The following RAB3GAP2 variants were observed in gnomAD, a reference collection of about 807,000 sequenced individuals.
RAB3GAP2 encodes the protein RAB3 GTPase activating non-catalytic protein subunit 2, also known as rab3 GTPase-activating protein non-catalytic subunit.
RAB3GAP2 carries 87 observed loss-of-function variants against 185.3 expected under a neutral mutation model. The ratio of observed to expected loss-of-function variants is 0.47; its 90% CI spans 0.39 to 0.56. The LOEUF (loss-of-function observed/expected upper bound fraction) is 0.56. Ranked by LOEUF, RAB3GAP2 falls within the 20% of genes least tolerant of loss-of-function variation. The pLI, the probability that RAB3GAP2 is intolerant of heterozygous loss-of-function variation, is 0.00. For missense variants in RAB3GAP2, 1,492 were observed against 1,638.2 expected, an observed-to-expected ratio of 0.91 and a Z score of 1.54; for synonymous variants, 554 against 576.1, an observed-to-expected ratio of 0.96 and a Z score of 0.55.
chr1:220,238,125 C>T (rs1476439648), intron 1 of RAB3GAP2, among the ~76,000 whole-genome samples: 1 of 152,134 alleles, frequency 6.6e-6, no homozygotes, highest in Non-Finnish European at 1.5e-5. Context: ...ACTGCAGCCT[C>T]GATCTCCTAG....
intron 30 of RAB3GAP2, 94 bp downstream of exon 30, chr1:220,157,708 A>C (rs1571874169): frequency 1.7e-6 from 2 of 1,198,812 alleles, no homozygotes; most frequent in Non-Finnish European, 2.4e-6. Flanking sequence ...AATGAAAAAC[A>C]ACCTCATTAA....
rs11485161 is a variant in RAB3GAP2, at chr1:220,257,746, T to C, written c.115+14477A>G. On this transcript the variant is annotated intron_variant, in intron 1 of 34. Transcript: ENST00000358951. The stretch of plus-strand genomic sequence containing the variant: ...AAGATCAGAGCTGAACTGAAGGAGA[T>C]AGAGGCACAAAAAGCCCTTCAAAAA... 9.4e-3 allele frequency among the ~76,000 whole-genome samples: 1,430 copies of C among 151,996 alleles called. 26 individuals are homozygous for C. The highest frequency in any genetic ancestry group is 0.032 in the African/African-American group (1,342 of 41,474).
At position 220,153,335 on chromosome 1, in the gene RAB3GAP2, T is replaced by C. The variant is rs768458238; in HGVS notation, c.3717A>G (p.Glu1239=). The change falls in exon 33 of 35, where the codon GAA becomes GAG. Residue 1239 remains glutamate, a synonymous_variant. Coordinates refer to ENST00000358951, the MANE Select transcript of RAB3GAP2 (RefSeq NM_012414.4). ...HSATKVKDPT[E]EATPTPFGKD... is the part of the protein sequence containing the mutation. ...TCCCAAAAGGAGTGGGTGTGGCCTCTTCTGTGGGATCTTTGACCTTTGTGG... is the reference window on the plus strand; with the variant it reads ...TCCCAAAAGGAGTGGGTGTGGCCTCCTCTGTGGGATCTTTGACCTTTGTGG... 6.2e-7 allele frequency: 1 copy of C among 1,614,118 alleles called. No homozygotes were observed. The highest frequency in any genetic ancestry group is 1.3e-5 in the African/African-American group (1 of 74,946).
rs1657909288 is a variant in RAB3GAP2, at chr1:220,158,921, A to C, written c.3261+465T>G. Among the ~76,000 whole-genome samples the C allele has an allele frequency of 6.6e-6, 1 of 152,182 alleles. No homozygotes were observed. Among genetic ancestry groups the C allele is most frequent in the South Asian group, 2.1e-4 (1 of 4,830 alleles). ...TCAACAATGGAAGCTAGTACTATTA[A>C]TTTCTTGGGTCAAATACAAGTCCCA... On this transcript the variant is annotated intron_variant, in intron 29 of 34. Transcript: ENST00000358951. The surrounding 1 kb of genome is among the most constrained non-coding windows in gnomAD (Gnocchi z 4.3).
intron 9 of RAB3GAP2, among the ~76,000 whole-genome samples, chr1:220,199,057 T>C (rs1658789947): frequency 6.6e-6 from 1 of 151,730 alleles, no homozygotes; most frequent in African/African-American, 2.4e-5. Context: ...TGAAACACAA[T>C]GAACAGGGAG....
chr1:220,159,091 T>C (rs1253324292), intron 29 of RAB3GAP2, among the ~76,000 whole-genome samples: 1 of 152,216 alleles, frequency 6.6e-6, no homozygotes, highest in African/African-American at 2.4e-5. Flanking sequence ...ATTATAAATG[T>C]CTAATCGGAA....
Position 220,157,533 on chromosome 1 carries a change from T to C in RAB3GAP2, c.3337-45A>G, listed in dbSNP as rs762935072. 3 of 1,576,024 alleles carry C rather than the reference T, an allele frequency of 1.9e-6. No homozygotes were observed. In the South Asian group the frequency reaches 3.3e-5, roughly 17 times the overall value. On this transcript the variant is annotated intron_variant, in intron 30 of 34. Transcript: ENST00000358951. ...AGGACTGTGTTCAGTAATGGAAAAA[T>C]AATAGCTTACAAATATCCCAATGAG... is the stretch of plus-strand genomic sequence containing the variant.
chr1:220,172,689 T>C lies in RAB3GAP2; in HGVS notation c.2364A>G (p.Pro788=). 1 of 1,613,478 alleles carries C rather than the reference T, an allele frequency of 6.2e-7. No individual in the cohort carries two copies. Among genetic ancestry groups the C allele is most frequent in the Non-Finnish European group, 8.5e-7 (1 of 1,179,384 alleles). The stretch of plus-strand genomic sequence containing the variant: ...TGGTATGAAGACAGCAGATTGACTG[T>C]GGTTTATCCAAAATATCCTTTTCCT... ...LSKEKDILDK[P]QSICCLHTML... Residue 788 remains proline, a synonymous_variant, in exon 22 of 35, where the codon CCA becomes CCG. Transcript: ENST00000358951.
At chr1:220,232,683 C>A in intron 2 of RAB3GAP2, 116 bp downstream of exon 2, 2 of 993,122 alleles carry the variant, frequency 2.0e-6, no homozygotes, top group African/African-American at 1.6e-5. Flanking sequence ...TAAGTAAGCA[C>A]AAAAATATTC....
intron 1 of RAB3GAP2, among the ~76,000 whole-genome samples, chr1:220,252,406 G>T (rs1159127787): frequency 1.3e-5 from 2 of 152,188 alleles, no homozygotes; most frequent in Admixed American, 6.5e-5. Context: ...GACCTGAAAT[G>T]GACGATTAGA....
At position 220,235,994 on chromosome 1, in the gene RAB3GAP2, T is replaced by C. The variant is rs896104343; in HGVS notation, c.116-3131A>G. 2.0e-5 allele frequency among the ~76,000 whole-genome samples: 3 copies of C among 152,134 alleles called. No homozygotes were observed. The South Asian group carries it at 6.2e-4, about 32-fold the overall frequency. ...TAGGAATACATTTTTCCCAACCAAG[T>C]CAAGATAAAGGAAGGTGAAACAGCA... is the stretch of plus-strand genomic sequence containing the variant. On this transcript the variant is annotated intron_variant, in intron 1 of 34. Coordinates refer to ENST00000358951, the MANE Select transcript of RAB3GAP2 (RefSeq NM_012414.4).
chr1:220,215,126 A>T (rs947219274), intron 2 of RAB3GAP2, among the ~76,000 whole-genome samples: 1 of 151,878 alleles, frequency 6.6e-6, no homozygotes, highest in Non-Finnish European at 1.5e-5. Flanking sequence ...ATGCGTGGAC[A>T]TTTGTATTGC....
At chr1:220,186,592 C>T (rs561353726) in intron 17 of RAB3GAP2, among the ~76,000 whole-genome samples, 2 of 152,242 alleles carry the variant, frequency 1.3e-5, no homozygotes, top group South Asian at 4.1e-4. Flanking sequence ...CCTATGATTA[C>T]CCAGGCTAGC....
rs143286302 is a variant in RAB3GAP2, at chr1:220,190,069, T to C, written c.1709A>G (p.Asn570Ser). The C allele has an allele frequency of 1.3e-3, 2,081 of 1,605,950 alleles. 34 individuals are homozygous for C. The South Asian group carries it at 0.021, about 16-fold the overall frequency. Residue 570 changes from asparagine to serine, a missense_variant, in exon 16 of 35, where the codon AAT becomes AGT. By Grantham distance (46) the Asn-to-Ser change is conservative. Coordinates refer to ENST00000358951, the MANE Select transcript of RAB3GAP2 (RefSeq NM_012414.4). ...TTGTATGAGAGAATACCTACCAAGA[T>C]TGGGAGATTTTGTTTTCAGTAAGGC... is the stretch of plus-strand genomic sequence containing the variant. ...LAALLKTKSPNLDLVETEIKE... is the reference protein window; with the variant it reads ...LAALLKTKSPSLDLVETEIKE...
chr1:220,210,678 C>A lies in RAB3GAP2; in HGVS notation c.510+123G>T, dbSNP rs1370000058. The A allele has an allele frequency of 5.3e-6, 6 of 1,135,622 alleles. No individual in the cohort carries two copies. The Admixed American group carries it at 1.2e-4, about 22-fold the overall frequency. The allele number at this position is 1,135,622 out of a possible 1,614,324, so 70.3% of individuals were successfully genotyped here. Reference sequence around the variant, plus strand: ...CCACGGCCTATCCCGGCCTCTACCCCCATAAAGAATCAACTACACATTTTC... The same window carrying A: ...CCACGGCCTATCCCGGCCTCTACCCACATAAAGAATCAACTACACATTTTC... On this transcript the variant is annotated intron_variant, in intron 6 of 34. Coordinates refer to ENST00000358951, the MANE Select transcript of RAB3GAP2 (RefSeq NM_012414.4).
At chr1:220,240,255 A>G (rs1291140469) in intron 1 of RAB3GAP2, among the ~76,000 whole-genome samples, 1 of 152,222 alleles carries the variant, frequency 6.6e-6, no homozygotes, top group East Asian at 1.9e-4. Context: ...ACATCAGGAC[A>G]GCGTTCCAGC....
At chr1:220,196,424 A>C (rs1448764999) in intron 9 of RAB3GAP2, 26 bp from the exon 10 acceptor site, 1 of 1,558,238 alleles carries the variant, frequency 6.4e-7, no homozygotes, top group African/African-American at 1.4e-5. Context: ...AAGTGATTTG[A>C]ATGTACAATG....
intron 1 of RAB3GAP2, among the ~76,000 whole-genome samples, chr1:220,252,152 G>GAAAAAAAAAAAA (rs58516168): frequency 1.0e-5 from 1 of 95,980 alleles, no homozygotes; most frequent in Admixed American, 1.3e-4. Context: ...CTCAAAAAAA[G>GAAAAAAAAAAAA]AAAAAAAAAA....
intron 8 of RAB3GAP2, 125 bp downstream of exon 8, chr1:220,205,782 G>T: frequency 1.4e-6 from 1 of 729,178 alleles, no homozygotes; most frequent in East Asian, 2.7e-5. Flanking sequence ...CAGAAGGCAG[G>T]TTTTTCCCAT....
Sources: gnomAD v4.1 joint callset for allele counts (sites outside exome capture counted in the v4.1 genomes callset) on GRCh38, gnomAD v4.1.1 for gene constraint, Gnocchi (gnomAD v3.1) non-coding constraint, MANE v1.5 for transcripts, NCBI Gene and HGNC (gene_info 2026-07-23, HGNC 2026-07-21) for gene names.